RCAN1: variants seen among roughly 807,000 people sequenced by gnomAD.
RCAN1 encodes the protein regulator of calcineurin 1, also known as calcipressin-1.
A neutral mutation model predicts 22.9 loss-of-function variants in RCAN1; 11 were observed. The ratio of observed to expected loss-of-function variants is 0.48; its 90% CI spans 0.30 to 0.79. The LOEUF (loss-of-function observed/expected upper bound fraction) is 0.79. Among genes scored for constraint, RCAN1 ranks in the 30% least tolerant of loss-of-function variants. RCAN1 has a pLI of 0.06. For synonymous variants in RCAN1, 136 were observed against 142.3 expected, an observed-to-expected ratio of 0.96 and a Z score of 0.32; for missense variants, 291 against 337.8, an observed-to-expected ratio of 0.86 and a Z score of 1.09.
chr21:34,576,029 C>G (rs917677102), intron 1 of RCAN1, among the ~76,000 whole-genome samples: 1 of 152,068 alleles, frequency 6.6e-6, no homozygotes, highest in African/African-American at 2.4e-5. Flanking sequence ...GTGGAATTCT[C>G]CAAAACTGCT....
intron 1 of RCAN1, among the ~76,000 whole-genome samples, chr21:34,563,788 T>TAGAGAGAG (rs1349261254): frequency 2.6e-3 from 241 of 94,030 alleles, no homozygotes; most frequent in Non-Finnish European, 2.9e-3. Context: ...TATATATATA[T>TAGAGAGAG]ATATATAGAG....
At chr21:34,565,510 G>A (rs915656210) in intron 1 of RCAN1, among the ~76,000 whole-genome samples, 1 of 152,210 alleles carries the variant, frequency 6.6e-6, no homozygotes, top group African/African-American at 2.4e-5. Flanking sequence ...GGTTGGGAAG[G>A]TGAGGGCGCT....
intron 1 of RCAN1, among the ~76,000 whole-genome samples, chr21:34,589,030 G>C (rs1286351584): frequency 6.6e-6 from 1 of 152,192 alleles, no homozygotes. Flanking sequence ...GGGAGTTGAT[G>C]TTTGACGGAT....
At position 34,614,091 on chromosome 21, in the gene RCAN1, G is replaced by T. The variant is rs1448254284; in HGVS notation, c.252+669C>A. Among the ~76,000 whole-genome samples the T allele has an allele frequency of 6.6e-6, 1 of 152,160 alleles. No homozygotes were observed. Among genetic ancestry groups the T allele is most frequent in the African/African-American group, 2.4e-5 (1 of 41,436 alleles). ...TGTGTGGATTTTGCGGGGGTGGGGGGAGGCGGGGGAAGGAGTCGACTCCCC... is the reference window on the plus strand; with the variant it reads ...TGTGTGGATTTTGCGGGGGTGGGGGTAGGCGGGGGAAGGAGTCGACTCCCC... On this transcript the variant is annotated intron_variant, in intron 1 of 3. Transcript: ENST00000313806. This position sits in a 1 kb window ranked among gnomAD's most constrained non-coding sequence, Gnocchi z 6.0.
At chr21:34,564,287 G>A (rs1986925296) in intron 1 of RCAN1, among the ~76,000 whole-genome samples, 1 of 152,098 alleles carries the variant, frequency 6.6e-6, no homozygotes, top group African/African-American at 2.4e-5. Context: ...ATTTCGGGTG[G>A]GGACACAGCA....
chr21:34,541,069 A>G (rs1985892848), intron 1 of RCAN1, among the ~76,000 whole-genome samples: 1 of 152,170 alleles, frequency 6.6e-6, no homozygotes, highest in Admixed American at 6.5e-5. Context: ...GGGCCTCCAA[A>G]AGCCTCAGTT....
intron 1 of RCAN1, among the ~76,000 whole-genome samples, chr21:34,595,581 C>T (rs1313097425): frequency 2.6e-5 from 4 of 152,262 alleles, no homozygotes; most frequent in African/African-American, 4.8e-5. Context: ...GTTGCTGTTA[C>T]GTAAGCCAGT....
At chr21:34,575,765 G>T (rs529513889) in intron 1 of RCAN1, among the ~76,000 whole-genome samples, 2 of 152,230 alleles carry the variant, frequency 1.3e-5, no homozygotes, top group Admixed American at 1.3e-4. Flanking sequence ...TAACAGCAAC[G>T]ACACGTGCAA....
intron 1 of RCAN1, among the ~76,000 whole-genome samples, chr21:34,573,589 A>G (rs1175310883): frequency 6.6e-6 from 1 of 152,166 alleles, no homozygotes; most frequent in Admixed American, 6.5e-5. Flanking sequence ...TATGACCCCA[A>G]GTCTTCAGTC....
At position 34,521,729 on chromosome 21, in the gene RCAN1, G is replaced by A. The variant is rs188633006; in HGVS notation, c.427-71C>T. ...CTGCAGTGAGGCAACAGCACCTAAC[G>A]CCAGTTCCGGGAGATGGGCAGGTCA... On this transcript the variant is annotated intron_variant, in intron 2 of 3. Transcript: ENST00000313806. 5,372 of 1,315,700 alleles carry A rather than the reference G, an allele frequency of 4.1e-3. 20 individuals carry two copies. The highest frequency in any genetic ancestry group is 5.2e-3 in the Non-Finnish European group (4,960 of 948,422). The allele number at this position is 1,315,700 out of a possible 1,614,324, so 81.5% of individuals were successfully genotyped here.
At chr21:34,519,446 TG>T (rs1984326388) in intron 3 of RCAN1, among the ~76,000 whole-genome samples, 1 of 144,266 alleles carries the variant, frequency 6.9e-6, no homozygotes, top group South Asian at 2.3e-4. Flanking sequence ...TTGCCCAGGC[TG>T]GAATGCAGTG....
At chr21:34,613,719 G>A in intron 1 of RCAN1, 2 of 1,447,268 alleles carry the variant, frequency 1.4e-6, no homozygotes, top group Non-Finnish European at 1.9e-6. Flanking sequence ...GCTTACCTAA[G>A]CACACGGCCA....
intron 1 of RCAN1, among the ~76,000 whole-genome samples, chr21:34,567,140 A>T (rs2834547): frequency 0.46 from 69,685 of 151,654 alleles, 16,725 homozygotes; most frequent in African/African-American, 0.54. Context: ...AAATTTCAAA[A>T]TTTGTGTAGA....
intron 1 of RCAN1, chr21:34,524,387 C>T (rs769661419): frequency 3.9e-5 from 6 of 152,422 alleles, no homozygotes; most frequent in East Asian, 3.9e-4. Flanking sequence ...CACTCACCCC[C>T]CCTTTTTTCT....
chr21:34,527,450 C>T (rs1985135133), intron 1 of RCAN1, among the ~76,000 whole-genome samples: 1 of 152,150 alleles, frequency 6.6e-6, no homozygotes, highest in African/African-American at 2.4e-5. Flanking sequence ...TCCCCAGTGA[C>T]ATTTTATTGG....
chr21:34,592,186 C>T (rs1468300584), intron 1 of RCAN1, among the ~76,000 whole-genome samples: 1 of 152,196 alleles, frequency 6.6e-6, no homozygotes, highest in East Asian at 1.9e-4. Flanking sequence ...TCTGAATTTC[C>T]ATTCTGGAAA....
At position 34,614,963 on chromosome 21, in the gene RCAN1, C is replaced by G. The variant is rs1988781997; in HGVS notation, c.49G>C (p.Ala17Pro). The stretch of plus-strand genomic sequence containing the variant: ...CGCGCTCGCGCCTCGGCCGCCTCCG[C>G]CGCCTCCGCCGCGGCCCCGAGCTGG... ...GPQLGAAAEA[A>P]EAAEARARPG... Residue 17 changes from alanine to proline, a missense_variant, in exon 1 of 4, where the codon GCG becomes CCG. Ala to Pro is a conservative substitution (Grantham distance 27, BLOSUM62 -1). Coordinates refer to ENST00000313806, the MANE Select transcript of RCAN1 (RefSeq NM_004414.7). This position sits in a 1 kb window ranked among gnomAD's most constrained non-coding sequence, Gnocchi z 6.0. The G allele has an allele frequency of 8.7e-7, 1 of 1,148,484 alleles. No individual in the cohort carries two copies. The highest frequency in any genetic ancestry group is 4.9e-5 in the Admixed American group (1 of 20,302). 71.1% of individuals were successfully genotyped at this position (1,148,484 alleles called of 1,614,324 possible). A position where few individuals can be genotyped will look rare whatever the true frequency, so the allele number is the denominator to read the frequency against.
At chr21:34,563,792 TATAGAGAGAG>T (rs1213443166) in intron 1 of RCAN1, among the ~76,000 whole-genome samples, 3 of 74,708 alleles carry the variant, frequency 4.0e-5, no homozygotes, top group East Asian at 2.8e-4. Context: ...TATATATATA[TATAGAGAGAG>T]AGAGAGAGAG....
At chr21:34,585,742 C>CAAAAAAAA (rs59014706) in intron 1 of RCAN1, among the ~76,000 whole-genome samples, 10 of 45,954 alleles carry the variant, frequency 2.2e-4, no homozygotes, top group South Asian at 1.0e-3. Flanking sequence ...GACTCCATCT[C>CAAAAAAAA]AAAAAAAAAA....
Sources: gnomAD v4.1 joint callset for allele counts (sites outside exome capture counted in the v4.1 genomes callset) on GRCh38, gnomAD v4.1.1 for gene constraint, Gnocchi (gnomAD v3.1) non-coding constraint, MANE v1.5 for transcripts, NCBI Gene and HGNC (gene_info 2026-07-23, HGNC 2026-07-21) for gene names.